Variants in RFWD3 observed in about 807,000 individuals in gnomAD.
RFWD3 encodes ring finger and WD repeat domain 3.
Under a neutral mutation model 87.7 loss-of-function variants are expected in RFWD3, and 65 were observed. That is an observed-to-expected ratio of 0.74 (90% confidence interval 0.61 to 0.91). The LOEUF (loss-of-function observed/expected upper bound fraction) is 0.91, where lower values mean the gene tolerates loss of function less well. RFWD3 is among the 40% of genes least tolerant of loss of function. The pLI is 0.00. For missense variants in RFWD3, 1,078 were observed against 938.5 expected, an observed-to-expected ratio of 1.15 and a Z score of -1.94; for synonymous variants, 433 against 352.8, an observed-to-expected ratio of 1.23 and a Z score of -2.55.
Position 74,637,218 on chromosome 16 carries a change from G to C in RFWD3, c.1194+638C>G, listed in dbSNP as rs1465739824. Among the ~76,000 whole-genome samples the C allele has an allele frequency of 2.0e-5, 3 of 150,916 alleles. No homozygotes were observed. The East Asian group carries it at 5.8e-4, about 29-fold the overall frequency. ...GCTGGAGTGCAGTAGTGCGATCACA[G>C]CTCATTGTAACCTTCAAACTCCTGG... On this transcript the variant is annotated intron_variant, in intron 7 of 12. Transcript: ENST00000361070.
At position 74,649,147 on chromosome 16, in the gene RFWD3, C is replaced by T; in HGVS notation, c.777G>A (p.Lys259=). 8 of 1,571,306 alleles carry T rather than the reference C, an allele frequency of 5.1e-6. No homozygotes were observed. Among genetic ancestry groups the T allele is most frequent in the Non-Finnish European group, 6.9e-6 (8 of 1,165,154 alleles). The change falls in exon 4 of 13, where the codon AAG becomes AAA. Residue 259 remains lysine, a synonymous_variant. Transcript: ENST00000361070. ...TTCATATTACCTGTTTGGGGAGGGT[C>T]TTGCCTCCATCGATACATGTAACTT... ...EQEVTCIDGG[K]TLPKQPSPQK... is the part of the protein sequence containing the mutation.
chr16:74,649,227 C>T (rs1960399240), intron 3 of RFWD3, 25 bp from the exon 4 acceptor site: 1 of 1,520,652 alleles, frequency 6.6e-7, no homozygotes. Flanking sequence ...CCAGAAATGA[C>T]AGGAGAGGTA....
chr16:74,630,129 T>C (rs1442047505), intron 10 of RFWD3, among the ~76,000 whole-genome samples: 1 of 152,056 alleles, frequency 6.6e-6, no homozygotes, highest in Non-Finnish European at 1.5e-5. Flanking sequence ...GGCGTCTCAC[T>C]CTGTTGCCCA....
chr16:74,644,236 T>A (rs1049304720), intron 6 of RFWD3, 126 bp downstream of exon 6: 6 of 839,612 alleles, frequency 7.1e-6, no homozygotes, highest in Non-Finnish European at 1.2e-5. Flanking sequence ...CTGCCAATGA[T>A]CCCCAGAGAT....
intron 1 of RFWD3, 25 bp from the exon 2 acceptor site, chr16:74,661,476 G>A (rs372462979): frequency 6.4e-7 from 1 of 1,551,554 alleles, no homozygotes; most frequent in South Asian, 1.2e-5. Flanking sequence ...TTTGTAAAAA[G>A]TATTAATAAA....
intron 4 of RFWD3, among the ~76,000 whole-genome samples, chr16:74,645,745 C>CTTTTTTTT (rs71376293): frequency 9.4e-5 from 7 of 74,214 alleles, no homozygotes; most frequent in Non-Finnish European, 1.2e-4. Context: ...CAAATATTTT[C>CTTTTTTTT]TTTTTTTTTT....
rs1028665493 is a variant in RFWD3, at chr16:74,624,180, G to A, written c.2182-109C>T. 9 of 1,315,588 alleles carry A rather than the reference G, an allele frequency of 6.8e-6. No homozygotes were observed. The African/African-American group carries it at 1.3e-4, about 19-fold the overall frequency. 81.5% of individuals were successfully genotyped at this position (1,315,588 alleles called of 1,614,324 possible). A position where few individuals can be genotyped will look rare whatever the true frequency, so the allele number is the denominator to read the frequency against. On this transcript the variant is annotated intron_variant, in intron 12 of 12. Coordinates refer to ENST00000361070, the MANE Select transcript of RFWD3 (RefSeq NM_018124.4). ...AAGGCTGCAGAGAGAACACTACCTG[G>A]AGAGCAAAGCAGGCTGTCCCTAACC...
intron 3 of RFWD3, among the ~76,000 whole-genome samples, chr16:74,649,815 C>G (rs1030625498): frequency 2.6e-5 from 4 of 152,176 alleles, no homozygotes; most frequent in Admixed American, 2.6e-4. Flanking sequence ...CCCCCTCACC[C>G]ATTTTTTTCC....
chr16:74,640,739 A>C (rs1293195710), intron 6 of RFWD3, among the ~76,000 whole-genome samples: 5 of 151,772 alleles, frequency 3.3e-5, no homozygotes, highest in Non-Finnish European at 7.4e-5. Flanking sequence ...GGAGTTCAAG[A>C]CCATCCTGGC....
chr16:74,661,024 T>A lies in RFWD3; in HGVS notation c.426A>T (p.Ser142=). ...TTCTCATTGGCCCTACACTGTGGTT[T>A]GAAGATGAAGGTCTCAGGAATTCCA... ...GMLEFLRPSS[S]NHSVGPMRTR... is the part of the protein sequence containing the mutation. Residue 142 remains serine (S), a synonymous_variant, in exon 2 of 13, where the codon TCA becomes TCT. Coordinates refer to ENST00000361070, the MANE Select transcript of RFWD3 (RefSeq NM_018124.4). The A allele has an allele frequency of 1.9e-6, 3 of 1,614,208 alleles. No individual in the cohort carries two copies. The highest frequency in any genetic ancestry group is 2.5e-6 in the Non-Finnish European group (3 of 1,180,030).
rs370961000 is a variant in RFWD3 at position 74,636,432 on chromosome 16, G to C, written c.1340C>G (p.Ala447Gly). The change falls in exon 8 of 13, where the codon GCA (alanine) becomes GGA (glycine). Residue 447 changes from alanine to glycine, a missense_variant. Ala to Gly is a moderately conservative substitution (Grantham distance 60, BLOSUM62 0). Transcript: ENST00000361070. ...HFQKTFTVSQ[A>G]GNCRIMAYCD... ...GTATGCCATGATCCGGCAGTTTCCT[G>C]CCTGAGATACTGTGAAGGTCTTTTG... 3.3e-5 allele frequency: 53 copies of C among 1,614,052 alleles called. No homozygotes were observed. In the African/African-American group the frequency reaches 4.5e-4, roughly 14 times the overall value.
Position 74,651,977 on chromosome 16 carries a change from C to T in RFWD3, c.664G>A (p.Ala222Thr), listed in dbSNP as rs375666291. 2 of 1,614,060 alleles carry T rather than the reference C, an allele frequency of 1.2e-6. No homozygotes were observed. The highest frequency in any genetic ancestry group is 1.7e-6 in the Non-Finnish European group (2 of 1,179,966). Residue 222 changes from alanine (A) to threonine (T), a missense_variant, in exon 3 of 13, where the codon GCA becomes ACA. Physicochemically the swap from Ala to Thr is moderately conservative, Grantham distance 58 (BLOSUM62 0). Transcript: ENST00000361070. ...SSSDSDSDSSAEYGGVVDQAE... is the reference protein window; with the variant it reads ...SSSDSDSDSSTEYGGVVDQAE... ...TGGTCAACAACCCCTCCATACTCTG[C>T]AGAGCTGTCACTGTCAGAATCAGAA...
intron 2 of RFWD3, among the ~76,000 whole-genome samples, chr16:74,655,201 C>T (rs1960869530): frequency 6.6e-6 from 1 of 152,122 alleles, no homozygotes; most frequent in Non-Finnish European, 1.5e-5. Flanking sequence ...GGCTGACTCT[C>T]TTGTTAGGGG....
chr16:74,653,371 C>T (rs1175570429), intron 2 of RFWD3, among the ~76,000 whole-genome samples: 2 of 151,662 alleles, frequency 1.3e-5, no homozygotes, highest in Non-Finnish European at 2.9e-5. Flanking sequence ...ACCCAAAAAA[C>T]TTGGGAGGCT....
chr16:74,660,838 CAA>C (rs1379790668), intron 2 of RFWD3, 92 bp downstream of exon 2: 1 of 1,443,088 alleles, frequency 6.9e-7, no homozygotes, highest in East Asian at 2.3e-5. Flanking sequence ...CCTGACTTGC[CAA>C]AAGTCACACT....
At chr16:74,653,280 A>G (rs1040734862) in intron 2 of RFWD3, among the ~76,000 whole-genome samples, 1 of 152,148 alleles carries the variant, frequency 6.6e-6, no homozygotes, top group Non-Finnish European at 1.5e-5. Flanking sequence ...TTGAGGCTGC[A>G]GTGAGCCATG....
At chr16:74,643,610 A>G (rs1245069964) in intron 6 of RFWD3, among the ~76,000 whole-genome samples, 1 of 149,826 alleles carries the variant, frequency 6.7e-6, no homozygotes, top group Non-Finnish European at 1.5e-5. Flanking sequence ...CTCTCTCTCA[A>G]TGGTGTGTAT....
chr16:74,646,521 C>T (rs1055296973), intron 4 of RFWD3, among the ~76,000 whole-genome samples: 2 of 152,000 alleles, frequency 1.3e-5, no homozygotes, highest in East Asian at 2.0e-4. Flanking sequence ...GGCGCAGTGG[C>T]TCACACCTGT....
intron 6 of RFWD3, among the ~76,000 whole-genome samples, chr16:74,642,465 T>G (rs912315105): frequency 6.6e-6 from 1 of 152,068 alleles, no homozygotes; most frequent in Admixed American, 6.6e-5. Context: ...CTTTAAAATT[T>G]TCTTTCCTTT....
Sources: gnomAD v4.1 joint callset for allele counts (sites outside exome capture counted in the v4.1 genomes callset) on GRCh38, gnomAD v4.1.1 for gene constraint, MANE v1.5 for transcripts, NCBI Gene and HGNC (gene_info 2026-07-23, HGNC 2026-07-21) for gene names.